ARHGAP21: variants seen among roughly 807,000 people sequenced by gnomAD.
ARHGAP21 encodes the protein Rho GTPase activating protein 21.
ARHGAP21 carries 38 observed loss-of-function variants against 164.6 expected under a neutral mutation model. The observed-to-expected ratio is 0.23, with a 90% confidence interval of 0.18 to 0.30. The LOEUF (loss-of-function observed/expected upper bound fraction) is 0.30. Ranked by LOEUF, ARHGAP21 falls within the 10% of genes least tolerant of loss-of-function variation. The pLI, the probability that ARHGAP21 is intolerant of heterozygous loss-of-function variation, is 1.00. For missense variants in ARHGAP21, 1,822 were observed against 2,370.7 expected (o/e 0.77, Z 4.81); for synonymous variants, 766 against 857.9 (o/e 0.89, Z 1.87).
intron 5 of ARHGAP21, 105 bp from the exon 6 acceptor site, chr10:24,633,585 T>C (rs1836049738): frequency 1.7e-6 from 1 of 604,902 alleles, no homozygotes; most frequent in Non-Finnish European, 2.7e-6. Flanking sequence ...ATGTCGTATA[T>C]ATTAAAATAA....
At chr10:24,586,760 A>T (rs1477040172) in intron 25 of ARHGAP21, among the ~76,000 whole-genome samples, 1 of 152,188 alleles carries the variant, frequency 6.6e-6, no homozygotes, top group Non-Finnish European at 1.5e-5. Context: ...GAATATTCAA[A>T]AAACAGGCCA....
intron 2 of ARHGAP21, among the ~76,000 whole-genome samples, chr10:24,673,825 A>G (rs941540410): frequency 6.6e-6 from 1 of 152,116 alleles, no homozygotes; most frequent in Non-Finnish European, 1.5e-5. Context: ...TTACACCACT[A>G]CACTCCAGCC....
chr10:24,593,088 T>A (rs573135917), intron 21 of ARHGAP21, among the ~76,000 whole-genome samples: 6 of 151,770 alleles, frequency 4.0e-5, no homozygotes, highest in Non-Finnish European at 7.4e-5. Context: ...CCCAGGGGGG[T>A]AAAAACCACT....
intron 8 of ARHGAP21, 68 bp downstream of exon 8, chr10:24,622,665 T>G (rs1252626283): frequency 6.7e-7 from 1 of 1,502,568 alleles, no homozygotes; most frequent in Non-Finnish European, 9.1e-7. Context: ...TTTAATAGAT[T>G]GGCTTATTAC....
chr10:24,655,672 C>T (rs1421685032), intron 4 of ARHGAP21, among the ~76,000 whole-genome samples: 1 of 144,132 alleles, frequency 6.9e-6, no homozygotes, highest in Non-Finnish European at 1.5e-5. Context: ...TGCCTGGCCG[C>T]CCATCGTCTG....
intron 21 of ARHGAP21, 21 bp from the exon 22 acceptor site, chr10:24,592,033 G>T: frequency 6.5e-7 from 1 of 1,529,572 alleles, no homozygotes; most frequent in South Asian, 1.3e-5. Flanking sequence ...GGATGATACT[G>T]GGAAATACCA....
intron 2 of ARHGAP21, among the ~76,000 whole-genome samples, chr10:24,682,888 G>T (rs1275876730): frequency 6.6e-6 from 1 of 151,974 alleles, no homozygotes; most frequent in African/African-American, 2.4e-5. Context: ...GAGGTCAGGA[G>T]ATTGAGACCA....
Position 24,591,913 on chromosome 10 carries a change from T to G in ARHGAP21, c.3976A>C (p.Lys1326Gln). ...TGCTGGATGAGCGTTTCTACAATCT[T>G]GTACTGGTCAGGCATGTGGGTGACC... ...HMVTHMPDQYKIVETLIQHHD... is the reference protein window; with the variant it reads ...HMVTHMPDQYQIVETLIQHHD... The change falls in exon 22 of 26, where the codon AAG becomes CAG. Residue 1326 changes from lysine to glutamine, a missense_variant. By Grantham distance (53) the Lys-to-Gln change is moderately conservative. Around this residue, in one of 5 missense-constraint regions of ARHGAP21, gnomAD observed 117 missense variants for 238.1 expected, o/e 0.49. Transcript: ENST00000396432. 1 of 1,613,186 alleles carries G rather than the reference T, an allele frequency of 6.2e-7. No individual in the cohort carries two copies. The highest frequency in any genetic ancestry group is 8.5e-7 in the Non-Finnish European group (1 of 1,179,908).
intron 4 of ARHGAP21, among the ~76,000 whole-genome samples, chr10:24,642,514 CAA>C (rs57154901): frequency 2.7e-4 from 13 of 47,914 alleles, no homozygotes; most frequent in African/African-American, 3.5e-4. Context: ...GACTCCGTCT[CAA>C]AAAAAAAAAA....
At chr10:24,662,477 G>C (rs1839802528) in intron 4 of ARHGAP21, among the ~76,000 whole-genome samples, 1 of 152,022 alleles carries the variant, frequency 6.6e-6, no homozygotes, top group Non-Finnish European at 1.5e-5. Context: ...TACCTTACAG[G>C]GTTAGAGTGA....
chr10:24,661,819 CTT>C (rs1437266452), intron 4 of ARHGAP21, among the ~76,000 whole-genome samples: 1 of 152,192 alleles, frequency 6.6e-6, no homozygotes, highest in Non-Finnish European at 1.5e-5. Flanking sequence ...TAAAAACTGA[CTT>C]GTAAATAATT....
At chr10:24,654,845 C>A (rs1423394346) in intron 4 of ARHGAP21, among the ~76,000 whole-genome samples, 2 of 152,176 alleles carry the variant, frequency 1.3e-5, no homozygotes, top group African/African-American at 4.8e-5. Context: ...AGGCTGGAGG[C>A]ATCACACTAC....
chr10:24,637,697 T>G (rs1836520537), intron 4 of ARHGAP21, among the ~76,000 whole-genome samples: 1 of 152,174 alleles, frequency 6.6e-6, no homozygotes, highest in Admixed American at 6.5e-5. Flanking sequence ...AAAGAAATAC[T>G]AATTTTGAAA....
rs1592922082 is a variant in ARHGAP21, at chr10:24,589,504, T to G, written c.4151-202A>C. The G allele has an allele frequency of 5.9e-6, 3 of 506,826 alleles. No individual in the cohort carries two copies. In the South Asian group the frequency reaches 8.5e-5, roughly 14 times the overall value. 31.4% of individuals were successfully genotyped at this position (506,826 alleles called of 1,614,324 possible). A position where few individuals can be genotyped will look rare whatever the true frequency, so the allele number is the denominator to read the frequency against. ...ACCGCCATGAAAGGATGCTGTGAAT[T>G]GTAGGCAGAACCAGCTCAATGATAG... On this transcript the variant is annotated intron_variant, in intron 24 of 25. Transcript: ENST00000396432.
chr10:24,593,590 T>TGAAAGATATTCC (rs2076435876), intron 21 of ARHGAP21, among the ~76,000 whole-genome samples: 1 of 151,260 alleles, frequency 6.6e-6, no homozygotes, highest in Non-Finnish European at 1.5e-5. Context: ...GTATTTTTCT[T>TGAAAGATATTCC]GAAAGATATT....
At chr10:24,677,587 T>C (rs1032933477) in intron 2 of ARHGAP21, among the ~76,000 whole-genome samples, 1 of 152,204 alleles carries the variant, frequency 6.6e-6, no homozygotes, top group Non-Finnish European at 1.5e-5. Flanking sequence ...TTCTAGGATT[T>C]AGCGGAGCAT....
At chr10:24,621,572 C>T (rs1834547427) in intron 8 of ARHGAP21, among the ~76,000 whole-genome samples, 1 of 152,122 alleles carries the variant, frequency 6.6e-6, no homozygotes, top group African/African-American at 2.4e-5. Context: ...GTAGAATCTG[C>T]AACACATACA....
intron 6 of ARHGAP21, among the ~76,000 whole-genome samples, chr10:24,632,955 A>G (rs1263825912): frequency 1.3e-5 from 2 of 152,306 alleles, no homozygotes; most frequent in East Asian, 3.9e-4. Flanking sequence ...CAGGCAGGCA[A>G]ATGGATTAAA....
intron 2 of ARHGAP21, among the ~76,000 whole-genome samples, chr10:24,674,052 T>TA (rs1035912109): frequency 1.3e-5 from 2 of 152,118 alleles, no homozygotes; most frequent in African/African-American, 2.4e-5. Context: ...GAATTTTTTT[T>TA]AAAAAGATAA....
Sources: allele counts gnomAD v4.1 joint callset (sites outside exome capture counted in the v4.1 genomes callset), GRCh38; gene constraint gnomAD v4.1.1; regional missense constraint gnomAD v4.1.1; transcripts MANE v1.5; gene names NCBI Gene and HGNC (gene_info 2026-07-23, HGNC 2026-07-21).